MAT2A: variants seen among roughly 807,000 people sequenced by gnomAD.
MAT2A encodes S-adenosylmethionine synthase isoform type-2.
MAT2A carries 3 observed loss-of-function variants against 43.9 expected under a neutral mutation model. That is an observed-to-expected ratio of 0.07 (90% CI 0.03 to 0.18). The LOEUF (loss-of-function observed/expected upper bound fraction) is 0.18, where lower values mean the gene tolerates loss of function less well. MAT2A is among the 10% of genes least tolerant of loss of function. The pLI, the probability that MAT2A is intolerant of heterozygous loss-of-function variation, is 1.00. For synonymous variants in MAT2A, 200 were observed against 168.4 expected (o/e 1.19, Z -1.45); for missense variants, 204 against 489.0 (o/e 0.42, Z 5.50).
In MAT2A at chr2:85,541,727, C is replaced by G. The variant is rs2103917170; in HGVS notation, c.387C>G (p.Asp129Glu). Reference protein sequence around the residue: ...QGVHLDRNEEDIGAGDQGLMF... With the variant: ...QGVHLDRNEEEIGAGDQGLMF... Reference sequence around the variant, plus strand: ...TTCATCTTGACAGAAATGAAGAAGACATTGGTGCTGGAGACCAGGTATCTT... The same window carrying G: ...TTCATCTTGACAGAAATGAAGAAGAGATTGGTGCTGGAGACCAGGTATCTT... Residue 129 changes from aspartate to glutamate, a missense_variant, in exon 4 of 9, where the codon GAC (aspartate) becomes GAG (glutamate). Transcript: ENST00000306434. The G allele has an allele frequency of 6.2e-7, 1 of 1,614,136 alleles. No homozygotes were observed. The highest frequency in any genetic ancestry group is 2.2e-5 in the East Asian group (1 of 44,890).
chr2:85,539,489 G>C lies in MAT2A; in HGVS notation c.91+111G>C, dbSNP rs1225168086. On this transcript the variant is annotated intron_variant, in intron 1 of 8. Transcript: ENST00000306434. Reference sequence around the variant, plus strand: ...CCCGCGCGGGTCGTCCTCGTCCGCCGGGTGATGGAAGAGCGGCGACCGCGC... The same window carrying C: ...CCCGCGCGGGTCGTCCTCGTCCGCCCGGTGATGGAAGAGCGGCGACCGCGC... 4 of 777,866 alleles carry C rather than the reference G, an allele frequency of 5.1e-6. No homozygotes were observed. The African/African-American group carries it at 7.5e-5, about 15-fold the overall frequency. 48.2% of individuals were successfully genotyped at this position (777,866 alleles called of 1,614,324 possible).
chr2:85,539,721 GCC>G (rs1691413688), intron 1 of MAT2A: 1 of 174,622 alleles, frequency 5.7e-6, no homozygotes, highest in Non-Finnish European at 1.2e-5. Flanking sequence ...TCCCGGCCCT[GCC>G]GTCTGACAAA....
In MAT2A at chr2:85,541,109, G is replaced by T; in HGVS notation, c.118G>T (p.Ala40Ser). 7 of 1,613,624 alleles carry T rather than the reference G, an allele frequency of 4.3e-6. No homozygotes were observed. The highest frequency in any genetic ancestry group is 5.9e-6 in the Non-Finnish European group (7 of 1,179,680). Reference sequence around the variant, plus strand: ...TAAGATTTGTGACCAAATCAGTGATGCTGTCCTTGATGCCCACCTTCAGCA... The same window carrying T: ...TAAGATTTGTGACCAAATCAGTGATTCTGTCCTTGATGCCCACCTTCAGCA... ...PDKICDQISD[A>S]VLDAHLQQDP... The change falls in exon 2 of 9, where the codon GCT becomes TCT. Residue 40 changes from alanine to serine, a missense_variant. Physicochemically the swap from Ala to Ser is moderately conservative, Grantham distance 99 (BLOSUM62 1). Around this residue, in one of 6 missense-constraint regions of MAT2A, gnomAD observed 12 missense variants for 42.4 expected, o/e 0.28. Transcript: ENST00000306434.
chr2:85,540,722 T>G (rs1573307583), intron 1 of MAT2A, among the ~76,000 whole-genome samples: 1 of 152,354 alleles, frequency 6.6e-6, no homozygotes, highest in East Asian at 1.9e-4. Context: ...CGAATTATCT[T>G]GTTGCTCATT....
At chr2:85,541,411 G>A (rs1691473524) in intron 3 of MAT2A, 34 bp downstream of exon 3, 2 of 1,603,300 alleles carry the variant, frequency 1.2e-6, no homozygotes, top group East Asian at 2.2e-5. Context: ...TTTTTTTCTA[G>A]GTAACAGCTG....
Position 85,544,346 on chromosome 2 carries a change from G to A in MAT2A, c.*574G>A, listed in dbSNP as rs1466395839. 6.6e-6 allele frequency: 1 copy of A among 152,610 alleles called. No individual in the cohort carries two copies. Among genetic ancestry groups the A allele is most frequent in the African/African-American group, 2.4e-5 (1 of 41,434 alleles). The allele number at this position is 152,610 out of a possible 1,614,324, so 9.5% of individuals were successfully genotyped here. ...CCAATCAATCTTGCATGTAACGCAAGTTCCCAGTTGGAGCTCCAGCCTGAC... is the reference window on the plus strand; with the variant it reads ...CCAATCAATCTTGCATGTAACGCAAATTCCCAGTTGGAGCTCCAGCCTGAC... On this transcript the variant is annotated 3_prime_UTR_variant, in exon 9 of 9. Transcript: ENST00000306434.
Position 85,541,280 on chromosome 2 carries a change from C to T in MAT2A, c.195C>T (p.Ile65=), listed in dbSNP as rs189924264. The T allele has an allele frequency of 3.7e-6, 6 of 1,614,102 alleles. No individual in the cohort carries two copies. The South Asian group carries it at 4.4e-5, about 12-fold the overall frequency. ...ACETVAKTGM[I]LLAGEITSRA... is the part of the protein sequence containing the mutation. The stretch of plus-strand genomic sequence containing the variant: ...AAACTGTTGCTAAAACTGGAATGAT[C>T]CTTCTTGCTGGGGAAATTACATCCA... Residue 65 remains isoleucine (I), a synonymous_variant, in exon 3 of 9, where the codon ATC becomes ATT. Coordinates refer to ENST00000306434, the MANE Select transcript of MAT2A (RefSeq NM_005911.6).
At chr2:85,542,440 T>G (rs1000009714) in intron 6 of MAT2A, 67 bp downstream of exon 6, 67 of 1,562,824 alleles carry the variant, frequency 4.3e-5, no homozygotes, top group Middle Eastern at 1.7e-4. Context: ...TACTACATTT[T>G]TTTCAGGCTT....
chr2:85,539,258 GT>G lies in MAT2A; in HGVS notation c.-29del. The G allele has an allele frequency of 6.4e-7, 1 of 1,559,896 alleles. No individual in the cohort carries two copies. Among genetic ancestry groups the G allele is most frequent in the Non-Finnish European group, 8.8e-7 (1 of 1,140,938 alleles). On this transcript the variant is annotated 5_prime_UTR_variant, in exon 1 of 9. Coordinates refer to ENST00000306434, the MANE Select transcript of MAT2A (RefSeq NM_005911.6). ...GCTGCCGCCTCGCCGCTGCTCCTTCGTAAGGCCACTTCCGCACACCGACACC... is the reference window on the plus strand; with the variant it reads ...GCTGCCGCCTCGCCGCTGCTCCTTCGAAGGCCACTTCCGCACACCGACACC...
chr2:85,539,670 C>T (rs914339766), intron 1 of MAT2A: 1 of 274,802 alleles, frequency 3.6e-6, no homozygotes, highest in African/African-American at 2.3e-5. Context: ...GCTGTGGTCG[C>T]TAGTGAGTTC....
intron 1 of MAT2A, 131 bp downstream of exon 1, chr2:85,539,509 C>G: frequency 1.6e-6 from 1 of 619,794 alleles, no homozygotes; most frequent in Non-Finnish European, 2.6e-6. Flanking sequence ...AGAGCGGCGA[C>G]CGCGCGCTTT....
At chr2:85,540,776 G>C (rs975742901) in intron 1 of MAT2A, among the ~76,000 whole-genome samples, 13 of 152,298 alleles carry the variant, frequency 8.5e-5, no homozygotes, top group Admixed American at 5.9e-4. Context: ...CCTACCTGTG[G>C]CCTCAGTTCT....
Position 85,539,231 on chromosome 2 carries a change from C to T in MAT2A, c.-57C>T, listed in dbSNP as rs2103911522. 7.7e-7 allele frequency: 1 copy of T among 1,296,880 alleles called. No homozygotes were observed. Among genetic ancestry groups the T allele is most frequent in the Non-Finnish European group, 1.1e-6 (1 of 917,072 alleles). 80.3% of individuals were successfully genotyped at this position (1,296,880 alleles called of 1,614,324 possible). A position where few individuals can be genotyped will look rare whatever the true frequency, so the allele number is the denominator to read the frequency against. ...TGTCCGCAGCTTGCGCATTTCGCAG[C>T]CGCTGCCGCCTCGCCGCTGCTCCTT... On this transcript the variant is annotated 5_prime_UTR_variant, in exon 1 of 9. Coordinates refer to ENST00000306434, the MANE Select transcript of MAT2A (RefSeq NM_005911.6).
chr2:85,539,330 G>A lies in MAT2A; in HGVS notation c.43G>A (p.Glu15Lys). 1 of 1,607,260 alleles carries A rather than the reference G, an allele frequency of 6.2e-7. No individual in the cohort carries two copies. The highest frequency in any genetic ancestry group is 8.5e-7 in the Non-Finnish European group (1 of 1,177,242). The change falls in exon 1 of 9, where the codon GAG becomes AAG. Residue 15 changes from glutamate to lysine, a missense_variant. By Grantham distance (56) the Glu-to-Lys change is moderately conservative (BLOSUM62 1). Coordinates refer to ENST00000306434, the MANE Select transcript of MAT2A (RefSeq NM_005911.6). ...CGGCTTCCACGAGGCGTTCATCGAGGAGGGCACATTCCTTTTCACCTCAGA... is the reference window on the plus strand; with the variant it reads ...CGGCTTCCACGAGGCGTTCATCGAGAAGGGCACATTCCTTTTCACCTCAGA... ...LNGFHEAFIE[E>K]GTFLFTSESV...
rs1438785764 is a variant in MAT2A at position 85,544,366 on chromosome 2, C to A, written c.*594C>A. 1 of 152,632 alleles carries A rather than the reference C, an allele frequency of 6.6e-6. No individual in the cohort carries two copies. Among genetic ancestry groups the A allele is most frequent in the Non-Finnish European group, 1.5e-5 (1 of 68,056 alleles). The allele number at this position is 152,632 out of a possible 1,614,324, so 9.5% of individuals were successfully genotyped here. On this transcript the variant is annotated 3_prime_UTR_variant, in exon 9 of 9. Transcript: ENST00000306434. ...CGCAAGTTCCCAGTTGGAGCTCCAG[C>A]CTGACATCAAAAAAGGCAGTTACCA...
At position 85,542,687 on chromosome 2, in the gene MAT2A, T is replaced by C. The variant is rs771272708; in HGVS notation, c.891T>C (p.Ala297=). 1.7e-5 allele frequency: 27 copies of C among 1,613,500 alleles called. No individual in the cohort carries two copies. Among genetic ancestry groups the C allele is most frequent in the Middle Eastern group, 3.3e-4 (2 of 6,084 alleles). The part of the protein sequence containing the change: ...YTKVDRSAAY[A]ARWVAKSLVK... ...AGGTCGACCGTTCAGCTGCTTATGCTGCTCGTTGGGTGGCAAAATCCCTTG... is the reference window on the plus strand; with the variant it reads ...AGGTCGACCGTTCAGCTGCTTATGCCGCTCGTTGGGTGGCAAAATCCCTTG... The change falls in exon 7 of 9, where the codon GCT becomes GCC. Residue 297 remains alanine (A), a synonymous_variant. Coordinates refer to ENST00000306434, the MANE Select transcript of MAT2A (RefSeq NM_005911.6).
intron 8 of MAT2A, 25 bp downstream of exon 8, chr2:85,543,059 A>G (rs1445947355): frequency 3.7e-6 from 6 of 1,608,916 alleles, no homozygotes; most frequent in Non-Finnish European, 5.1e-6. Context: ...GCCTGTTGCT[A>G]GTCAAGTATT....
In MAT2A at chr2:85,539,215, C is replaced by A; in HGVS notation, c.-73C>A. ...GCTACGAGTAGAACGCTGTCCGCAG[C>A]TTGCGCATTTCGCAGCCGCTGCCGC... On this transcript the variant is annotated 5_prime_UTR_variant, in exon 1 of 9. Coordinates refer to ENST00000306434, the MANE Select transcript of MAT2A (RefSeq NM_005911.6). 1 of 1,089,814 alleles carries A rather than the reference C, an allele frequency of 9.2e-7. No homozygotes were observed. Among genetic ancestry groups the A allele is most frequent in the Non-Finnish European group, 1.4e-6 (1 of 733,788 alleles). The allele number at this position is 1,089,814 out of a possible 1,614,324, so 67.5% of individuals were successfully genotyped here.
rs1200402820 is a variant in MAT2A, at chr2:85,539,248, C to G, written c.-40C>G. The G allele has an allele frequency of 1.4e-6, 2 of 1,469,208 alleles. No individual in the cohort carries two copies. Among genetic ancestry groups the G allele is most frequent in the Non-Finnish European group, 1.9e-6 (2 of 1,061,962 alleles). 91.0% of individuals were successfully genotyped at this position (1,469,208 alleles called of 1,614,324 possible). Reference sequence around the variant, plus strand: ...TTTCGCAGCCGCTGCCGCCTCGCCGCTGCTCCTTCGTAAGGCCACTTCCGC... The same window carrying G: ...TTTCGCAGCCGCTGCCGCCTCGCCGGTGCTCCTTCGTAAGGCCACTTCCGC... On this transcript the variant is annotated 5_prime_UTR_variant, in exon 1 of 9. Transcript: ENST00000306434.
Sources: gnomAD v4.1 joint callset for allele counts (sites outside exome capture counted in the v4.1 genomes callset) on GRCh38, gnomAD v4.1.1 for gene constraint, gnomAD v4.1.1 regional missense constraint, MANE v1.5 for transcripts, NCBI Gene and HGNC (gene_info 2026-07-23, HGNC 2026-07-21) for gene names.